Variants in MAP4 observed in about 807,000 individuals in gnomAD.
MAP4 encodes the protein microtubule associated protein 4.
A neutral mutation model predicts 170.2 loss-of-function variants in MAP4; 76 were observed. The observed-to-expected ratio is 0.45, with a 90% CI of 0.37 to 0.54. The LOEUF (loss-of-function observed/expected upper bound fraction) is 0.54. Among genes scored for constraint, MAP4 ranks in the 20% least tolerant of loss-of-function variants. MAP4 has a pLI of 0.00. For missense variants in MAP4, 2,506 were observed against 2,748.0 expected (o/e 0.91, Z 1.97); for synonymous variants, 909 against 994.5 (o/e 0.91, Z 1.62).
At chr3:48,028,707 G>A (rs1163232263) in intron 1 of MAP4, among the ~76,000 whole-genome samples, 1 of 151,976 alleles carries the variant, frequency 6.6e-6, no homozygotes, top group African/African-American at 2.4e-5. Context: ...AGGAGGCGGA[G>A]GTGGCAGTGA....
At chr3:48,081,146 CG>C (rs2100146470) in intron 1 of MAP4, among the ~76,000 whole-genome samples, 1 of 150,412 alleles carries the variant, frequency 6.6e-6, no homozygotes, top group Admixed American at 6.7e-5. Flanking sequence ...AAACATTAGC[CG>C]GGAGTGGTGG....
chr3:47,966,510 G>A (rs533752445), intron 3 of MAP4, among the ~76,000 whole-genome samples: 28 of 152,008 alleles, frequency 1.8e-4, no homozygotes, highest in Non-Finnish European at 2.9e-4. Flanking sequence ...GACTCCCAAA[G>A]TGTTGGGATT....
At chr3:47,941,039 G>A (rs1349706048) in intron 3 of MAP4, among the ~76,000 whole-genome samples, 9 of 151,524 alleles carry the variant, frequency 5.9e-5, no homozygotes, top group Non-Finnish European at 1.3e-4. Context: ...CACCACACTT[G>A]GCTAATTTTT....
chr3:47,962,363 A>C (rs1004965557), intron 3 of MAP4, among the ~76,000 whole-genome samples: 14 of 151,882 alleles, frequency 9.2e-5, no homozygotes, highest in Non-Finnish European at 1.9e-4. Context: ...GCCCCACATC[A>C]CCCTGACCTG....
intron 3 of MAP4, among the ~76,000 whole-genome samples, chr3:47,966,413 A>G (rs958995728): frequency 6.6e-6 from 1 of 151,278 alleles, no homozygotes; most frequent in Admixed American, 6.6e-5. Flanking sequence ...TGCCCGGCTA[A>G]TTTTTTGTAT....
At chr3:47,941,972 G>A (rs974474756) in intron 3 of MAP4, among the ~76,000 whole-genome samples, 1 of 152,020 alleles carries the variant, frequency 6.6e-6, no homozygotes, top group Non-Finnish European at 1.5e-5. Context: ...AGCTCTTTGG[G>A]GGTCTTTACT....
intron 1 of MAP4, among the ~76,000 whole-genome samples, chr3:48,041,393 T>A (rs1370546369): frequency 6.6e-6 from 1 of 151,596 alleles, no homozygotes; most frequent in Non-Finnish European, 1.5e-5. Flanking sequence ...ATAACAGGCA[T>A]AAGCCACCGT....
At chr3:47,891,186 C>T (rs1257152085) in intron 10 of MAP4, 1 of 1,536,170 alleles carries the variant, frequency 6.5e-7, no homozygotes, top group Admixed American at 2.0e-5. Context: ...TCTTCCTGCC[C>T]TTTTTCCTTG....
chr3:48,036,762 G>A (rs569758241), intron 1 of MAP4, among the ~76,000 whole-genome samples: 5 of 152,282 alleles, frequency 3.3e-5, no homozygotes, highest in East Asian at 3.9e-4. Context: ...GAGTGAAGGC[G>A]GCTGATGTAA....
In MAP4 at chr3:47,870,846, C is replaced by T. The variant is rs2090397315; in HGVS notation, c.6261G>A (p.Thr2087=). 6 of 1,588,626 alleles carry T rather than the reference C, an allele frequency of 3.8e-6. No individual in the cohort carries two copies. Among genetic ancestry groups the T allele is most frequent in the Non-Finnish European group, 5.1e-6 (6 of 1,165,186 alleles). ...CTCCAGGCTGATGCTTGATGTTTTC[C>T]GTGGAGCCAACCTTGGAGCGGACAT... ...LKNVRSKVGS[T]ENIKHQPGGG... is the part of the protein sequence containing the mutation. The change falls in exon 15 of 21, where the codon ACG becomes ACA. Residue 2087 remains threonine, a synonymous_variant. Coordinates refer to ENST00000683076, the MANE Select transcript of MAP4 (RefSeq NM_001385682.1).
Position 48,008,740 on chromosome 3 carries a change from C to T in MAP4, c.-20+7594G>A, listed in dbSNP as rs112228439. Among the ~76,000 whole-genome samples the T allele has an allele frequency of 2.6e-3, 397 of 152,346 alleles. 3 individuals carry two copies. The highest frequency in any genetic ancestry group is 9.1e-3 in the African/African-American group (380 of 41,578). ...CCATTTTGTGGACACCACTCAGCCTCTTTCCCCTGCCATCGCCCATGGCCA... is the reference window on the plus strand; with the variant it reads ...CCATTTTGTGGACACCACTCAGCCTTTTTCCCCTGCCATCGCCCATGGCCA... On this transcript the variant is annotated intron_variant, in intron 1 of 20. Coordinates refer to ENST00000683076, the MANE Select transcript of MAP4 (RefSeq NM_001385682.1).
chr3:47,946,569 G>C lies in MAP4; in HGVS notation c.293-18219C>G, dbSNP rs535319412. Among the ~76,000 whole-genome samples, 2 of 144,296 alleles carry C rather than the reference G, an allele frequency of 1.4e-5. 1 individual carries two copies. Among genetic ancestry groups the C allele is most frequent in the Admixed American group, 1.5e-4 (2 of 13,480 alleles). The allele number at this position is 144,296 out of a possible 152,430, so 94.7% of individuals were successfully genotyped here. A position where few individuals can be genotyped will look rare whatever the true frequency, so the allele number is the denominator to read the frequency against. On this transcript the variant is annotated intron_variant, in intron 3 of 20. Transcript: ENST00000683076. ...CTCATGAGGCTGAGACAGGAGAATC[G>C]CTTGAACCCAGGAGGCAGAGGTTGC...
rs543603972 is a variant in MAP4 at position 48,042,500 on chromosome 3, TATACAAATGGCCA to T, written c.-19-43634_-19-43622del. Among the ~76,000 whole-genome samples, 12 of 152,072 alleles carry T rather than the reference TATACAAATGGCCA, an allele frequency of 7.9e-5. No individual in the cohort carries two copies. In the East Asian group the frequency reaches 2.1e-3, roughly 27 times the overall value. ...AATCTGTACATTTCTCCAAAGATAA[TATACAAATGGCCA>T]ATAAACACATTAGTCACCAGAAAAA... is the stretch of plus-strand genomic sequence containing the variant. On this transcript the variant is annotated intron_variant, in intron 1 of 18. Transcript: ENST00000360240.
intron 1 of MAP4, among the ~76,000 whole-genome samples, chr3:48,068,076 A>G (rs11711129): frequency 0.74 from 112,464 of 151,868 alleles, 42,138 homozygotes; most frequent in African/African-American, 0.87. Context: ...ACTAGCCTGG[A>G]CAACATGGTG....
chr3:47,907,452 T>C (rs2100033741), intron 9 of MAP4, among the ~76,000 whole-genome samples: 1 of 152,130 alleles, frequency 6.6e-6, no homozygotes, highest in Admixed American at 6.6e-5. Flanking sequence ...GTATACATTG[T>C]CCTTAGGGGA....
chr3:48,040,659 G>T (rs1024297940), intron 1 of MAP4, among the ~76,000 whole-genome samples: 1 of 152,144 alleles, frequency 6.6e-6, no homozygotes, highest in Non-Finnish European at 1.5e-5. Context: ...TGCCTCCCAG[G>T]TTCAAGCAAT....
intron 1 of MAP4, among the ~76,000 whole-genome samples, chr3:48,083,051 G>A (rs1318601956): frequency 6.6e-6 from 1 of 152,122 alleles, no homozygotes; most frequent in Non-Finnish European, 1.5e-5. Context: ...CCTATTGGAA[G>A]AAACTAAAGA....
Position 47,877,402 on chromosome 3 carries a change from C to T in MAP4, c.5541+15G>A, listed in dbSNP as rs1237064876. The T allele has an allele frequency of 6.3e-7, 1 of 1,592,066 alleles. No individual in the cohort carries two copies. The highest frequency in any genetic ancestry group is 1.7e-5 in the Admixed American group (1 of 59,914). ...AATTATGGCAGTAGAAGATAACCAC[C>T]ATTCTGGCACCTACCTTTGTTTTCT... On this transcript the variant is annotated intron_variant, in intron 11 of 20. Coordinates refer to ENST00000683076, the MANE Select transcript of MAP4 (RefSeq NM_001385682.1).
chr3:47,895,620 T>C (rs2100026423), intron 10 of MAP4, among the ~76,000 whole-genome samples: 2 of 152,352 alleles, frequency 1.3e-5, no homozygotes, highest in South Asian at 4.1e-4. Flanking sequence ...TAGAAACTTG[T>C]TCCTTATAGC....
Sources: gnomAD v4.1 joint callset for allele counts (sites outside exome capture counted in the v4.1 genomes callset) on GRCh38, gnomAD v4.1.1 for gene constraint, MANE v1.5 for transcripts, NCBI Gene and HGNC (gene_info 2026-07-23, HGNC 2026-07-21) for gene names.